The following UBE4B variants were observed in gnomAD, a reference collection of about 807,000 sequenced individuals.
The protein encoded by UBE4B is ubiquitin conjugation factor E4 B.
UBE4B carries 27 observed loss-of-function variants against 148.1 expected under a neutral mutation model. The observed-to-expected ratio is 0.18, with a 90% confidence interval of 0.13 to 0.25. UBE4B has a LOEUF of 0.25. Among genes scored for constraint, UBE4B ranks in the 10% least tolerant of loss-of-function variants. UBE4B has a pLI of 1.00. For synonymous variants in UBE4B, 596 were observed against 619.3 expected (o/e 0.96, Z 0.56); for missense variants, 1,170 against 1,662.4 (o/e 0.70, Z 5.15).
At chr1:10,054,661 A>G (rs1644125730) in intron 1 of UBE4B, 1 of 265,152 alleles carries the variant, frequency 3.8e-6, no homozygotes, top group South Asian at 5.1e-5. Context: ...TTCATTTACT[A>G]CAATGCCAGC....
intron 1 of UBE4B, among the ~76,000 whole-genome samples, chr1:10,035,524 G>T (rs1484875066): frequency 6.9e-6 from 1 of 145,912 alleles, no homozygotes; most frequent in African/African-American, 2.5e-5. Context: ...AGACTCCGGA[G>T]TAGCTGGGAC....
At chr1:10,079,607 A>G (rs1446049810) in intron 2 of UBE4B, among the ~76,000 whole-genome samples, 5 of 152,218 alleles carry the variant, frequency 3.3e-5, no homozygotes, top group Admixed American at 1.3e-4. Context: ...CAACTAGTCA[A>G]ACTGCTTCAG....
chr1:10,136,198 A>G (rs1210416975), intron 16 of UBE4B, among the ~76,000 whole-genome samples: 2 of 152,044 alleles, frequency 1.3e-5, no homozygotes, highest in Non-Finnish European at 2.9e-5. Context: ...ATGGGCTGGG[A>G]ATGGTGGCTC....
intron 2 of UBE4B, among the ~76,000 whole-genome samples, chr1:10,090,921 C>T (rs1239306163): frequency 6.6e-6 from 1 of 151,702 alleles, no homozygotes; most frequent in Non-Finnish European, 1.5e-5. Flanking sequence ...GGAAATATTA[C>T]AATACTAGGA....
At chr1:10,135,303 A>T in intron 16 of UBE4B, 117 bp downstream of exon 16, 1 of 1,097,312 alleles carries the variant, frequency 9.1e-7, no homozygotes, top group Non-Finnish European at 1.3e-6. Context: ...ATAGAGAAAC[A>T]TAATAAAAAT....
At chr1:10,045,882 G>T (rs1643903803) in intron 1 of UBE4B, among the ~76,000 whole-genome samples, 1 of 152,190 alleles carries the variant, frequency 6.6e-6, no homozygotes, top group Admixed American at 6.5e-5. Flanking sequence ...GATGAGTTAG[G>T]TTATCATCGA....
intron 21 of UBE4B, 41 bp downstream of exon 21, chr1:10,151,602 T>C: frequency 6.4e-7 from 1 of 1,551,234 alleles, no homozygotes; most frequent in East Asian, 2.2e-5. Context: ...GCAGGCCAAC[T>C]TAGGTAAGGT....
chr1:10,094,891 A>G (rs1557546996), intron 2 of UBE4B, among the ~76,000 whole-genome samples: 1 of 151,910 alleles, frequency 6.6e-6, no homozygotes, highest in Non-Finnish European at 1.5e-5. Flanking sequence ...CCCAGATTCA[A>G]AGGATTCTCC....
intron 1 of UBE4B, among the ~76,000 whole-genome samples, chr1:10,038,993 G>C (rs149707579): frequency 0.015 from 2,277 of 152,208 alleles, 65 homozygotes; most frequent in African/African-American, 0.051. Context: ...TCAGGAGACA[G>C]AGGTTGCAGT....
At chr1:10,143,693 T>G (rs1034165717) in intron 17 of UBE4B, among the ~76,000 whole-genome samples, 1 of 152,198 alleles carries the variant, frequency 6.6e-6, no homozygotes, top group African/African-American at 2.4e-5. Context: ...TACTCATGTT[T>G]CAGTTGTAGA....
chr1:10,054,584 C>T, intron 1 of UBE4B: 1 of 282,218 alleles, frequency 3.5e-6, no homozygotes, highest in South Asian at 4.0e-5. Context: ...GGAAATGATG[C>T]TGGCCTTTAG....
At chr1:10,102,819 T>C in intron 4 of UBE4B, 129 bp from the exon 5 acceptor site, 2 of 985,334 alleles carry the variant, frequency 2.0e-6, no homozygotes, top group South Asian at 3.8e-5. Flanking sequence ...AATCAGTGGG[T>C]GAATGGTTTC....
chr1:10,049,135 T>A (rs1007379902), intron 1 of UBE4B, among the ~76,000 whole-genome samples: 2 of 152,178 alleles, frequency 1.3e-5, no homozygotes, highest in African/African-American at 4.8e-5. Context: ...GAGTGGCAAA[T>A]ATTTCAGAGT....
intron 2 of UBE4B, among the ~76,000 whole-genome samples, chr1:10,093,404 T>G (rs867324203): frequency 1.2e-4 from 19 of 152,222 alleles, no homozygotes; most frequent in African/African-American, 4.3e-4. Context: ...TGTTTCAGAA[T>G]TCTCACTACG....
At chr1:10,089,923 C>T (rs922368724) in intron 2 of UBE4B, among the ~76,000 whole-genome samples, 31 of 151,822 alleles carry the variant, frequency 2.0e-4, no homozygotes, top group African/African-American at 6.8e-4. Flanking sequence ...AGGCTGGTCT[C>T]GAACTCCTTG....
chr1:10,124,095 G>A (rs1256064540), intron 10 of UBE4B, among the ~76,000 whole-genome samples: 2 of 152,006 alleles, frequency 1.3e-5, no homozygotes, highest in Non-Finnish European at 2.9e-5. Flanking sequence ...ATTTTGAAGT[G>A]TACAATTCAG....
At chr1:10,158,742 C>T (rs1164341403) in intron 22 of UBE4B, among the ~76,000 whole-genome samples, 1 of 152,192 alleles carries the variant, frequency 6.6e-6, no homozygotes, top group East Asian at 1.9e-4. Context: ...GGCGTGGTGG[C>T]TCACGCCTGT....
At chr1:10,077,594 A>C (rs1644606022) in intron 2 of UBE4B, among the ~76,000 whole-genome samples, 1 of 152,206 alleles carries the variant, frequency 6.6e-6, no homozygotes, top group African/African-American at 2.4e-5. Flanking sequence ...TATGTGGCTA[A>C]ATGAATGAAA....
At chr1:10,141,135 A>C (rs911727008) in intron 17 of UBE4B, among the ~76,000 whole-genome samples, 2 of 152,182 alleles carry the variant, frequency 1.3e-5, no homozygotes, top group African/African-American at 4.8e-5. Context: ...ATGTTTCTGC[A>C]GTACATATGT....
Sources: allele counts gnomAD v4.1 joint callset (sites outside exome capture counted in the v4.1 genomes callset), GRCh38; gene constraint gnomAD v4.1.1; transcripts MANE v1.5; gene names NCBI Gene and HGNC (gene_info 2026-07-23, HGNC 2026-07-21).